NFIC: variants seen among roughly 807,000 people sequenced by gnomAD.
NFIC encodes nuclear factor I C, also known as nuclear factor 1 C-type.
A neutral mutation model predicts 54.4 loss-of-function variants in NFIC; 12 were observed. The observed-to-expected ratio is 0.22, with a 90% CI of 0.14 to 0.36. The LOEUF (loss-of-function observed/expected upper bound fraction) is 0.36, where lower values mean the gene tolerates loss of function less well. Among genes scored for constraint, NFIC ranks in the 10% least tolerant of loss-of-function variants. The pLI is 1.00. For synonymous variants in NFIC, 322 were observed against 319.2 expected, an observed-to-expected ratio of 1.01 and a Z score of -0.09; for missense variants, 575 against 718.2, an observed-to-expected ratio of 0.80 and a Z score of 2.28.
chr19:3,468,974 A>G lies in NFIC; in HGVS notation c.*6205A>G, dbSNP rs1480679315. The G allele has an allele frequency of 8.7e-6, 1 of 115,402 alleles. No individual in the cohort carries two copies. Among genetic ancestry groups the G allele is most frequent in the Non-Finnish European group, 1.7e-5 (1 of 57,892 alleles). The allele number at this position is 115,402 out of a possible 1,614,324, so 7.1% of individuals were successfully genotyped here. On this transcript the variant is annotated 3_prime_UTR_variant, in exon 11 of 11. Transcript: ENST00000443272. ...CCCCCCACCCCACCCCGCCCCTCAC[A>G]TCATACTCCAATCATAACCTTGTAT...
At chr19:3,450,356 A>AAAAAG (rs68113510) in intron 7 of NFIC, among the ~76,000 whole-genome samples, 2 of 146,432 alleles carry the variant, frequency 1.4e-5, no homozygotes, top group Non-Finnish European at 1.5e-5. Context: ...AAAAAAAAAA[A>AAAAAG]AGAGACATCT....
chr19:3,464,498 C>G lies in NFIC; in HGVS notation c.*1729C>G. The G allele has an allele frequency of 1.0e-6, 1 of 982,146 alleles. No individual in the cohort carries two copies. The highest frequency in any genetic ancestry group is 1.2e-6 in the Non-Finnish European group (1 of 828,928). 60.8% of individuals were successfully genotyped at this position (982,146 alleles called of 1,614,324 possible). A position where few individuals can be genotyped will look rare whatever the true frequency, so the allele number is the denominator to read the frequency against. On this transcript the variant is annotated 3_prime_UTR_variant, in exon 11 of 11. Coordinates refer to ENST00000443272, the MANE Select transcript of NFIC (RefSeq NM_001245002.2). ...GGGGTGTTAGGTGTTTTAGGGCCAC[C>G]GAGCTCAAACACAAGGACCCCTCCC...
Position 3,369,146 on chromosome 19 carries a change from GTCTC to G in NFIC, c.30+2484_30+2487del, listed in dbSNP as rs147042128. 0.051 allele frequency among the ~76,000 whole-genome samples: 7,768 copies of G among 151,576 alleles called. 190 individuals are homozygous for G. Among genetic ancestry groups the G allele is most frequent in the South Asian group, 0.098 (469 of 4,776 alleles). ...CTGCATGTCTCTTTGATGTGTCTCT[GTCTC>G]TCTGTCTCTCCCTCCCTTTGCCTTC... On this transcript the variant is annotated intron_variant, in intron 1 of 10. Coordinates refer to ENST00000443272, the MANE Select transcript of NFIC (RefSeq NM_001245002.2). The surrounding 1 kb of genome is among the most constrained non-coding windows in gnomAD (Gnocchi z 4.3).
rs2082682976 is a variant in NFIC, at chr19:3,464,144, A to G, written c.*1375A>G. 1.0e-6 allele frequency: 1 copy of G among 985,274 alleles called. No individual in the cohort carries two copies. The highest frequency in any genetic ancestry group is 1.2e-6 in the Non-Finnish European group (1 of 829,884). The allele number at this position is 985,274 out of a possible 1,614,324, so 61.0% of individuals were successfully genotyped here. A position where few individuals can be genotyped will look rare whatever the true frequency, so the allele number is the denominator to read the frequency against. ...CCCCCTCCCTGGTGCCTCCCAGCGAAGGGGGACCGCCGTTTGCACTTTCAT... is the reference window on the plus strand; with the variant it reads ...CCCCCTCCCTGGTGCCTCCCAGCGAGGGGGGACCGCCGTTTGCACTTTCAT... On this transcript the variant is annotated 3_prime_UTR_variant, in exon 11 of 11. Coordinates refer to ENST00000443272, the MANE Select transcript of NFIC (RefSeq NM_001245002.2).
intron 1 of NFIC, among the ~76,000 whole-genome samples, chr19:3,371,973 C>A (rs2081024338): frequency 9.5e-6 from 1 of 105,348 alleles, no homozygotes; most frequent in African/African-American, 3.6e-5. Flanking sequence ...CTTTCCTTCT[C>A]TTTCTCTCTC....
Position 3,453,153 on chromosome 19 carries a change from C to T in NFIC, c.1269+487C>T, listed in dbSNP as rs895932513. Among the ~76,000 whole-genome samples the T allele has an allele frequency of 5.3e-5, 8 of 152,080 alleles. No individual in the cohort carries two copies. Among genetic ancestry groups the T allele is most frequent in the African/African-American group, 1.2e-4 (5 of 41,390 alleles). On this transcript the variant is annotated intron_variant, in intron 8 of 10. Coordinates refer to ENST00000443272, the MANE Select transcript of NFIC (RefSeq NM_001245002.2). This position sits in a 1 kb window ranked among gnomAD's most constrained non-coding sequence, Gnocchi z 6.7. ...ACTCAGGAGGCTGAGGTGGGAGGAT[C>T]GCTTGAACCTGGGAGGTCGAGGCTG...
At position 3,435,809 on chromosome 19, in the gene NFIC, G is replaced by GTCTT. The variant is rs10567490; in HGVS notation, c.958+628_958+631dup. ...TCTTCAGAAGGGTCCTCTCTGGGGT[G>GTCTT]TCTTTCTTTCTTTCTTTCTTTCTTT... On this transcript the variant is annotated intron_variant, in intron 6 of 10. Transcript: ENST00000443272. 2.9e-3 allele frequency among the ~76,000 whole-genome samples: 433 copies of GTCTT among 147,670 alleles called. 4 individuals carry two copies. Among genetic ancestry groups the GTCTT allele is most frequent in the South Asian group, 6.7e-3 (32 of 4,744 alleles).
intron 2 of NFIC, among the ~76,000 whole-genome samples, chr19:3,405,260 C>T (rs947652256): frequency 6.6e-6 from 1 of 152,228 alleles, no homozygotes; most frequent in African/African-American, 2.4e-5. Context: ...ACCCCGTCCA[C>T]GCCTCTGCCT....
chr19:3,372,439 G>A (rs1261802529), intron 1 of NFIC, among the ~76,000 whole-genome samples: 2 of 152,198 alleles, frequency 1.3e-5, no homozygotes, highest in Non-Finnish European at 2.9e-5. Context: ...GGTCCCAGAG[G>A]CAGAAGATGG....
chr19:3,375,440 G>A lies in NFIC; in HGVS notation c.31-6272G>A, dbSNP rs553920076. The stretch of plus-strand genomic sequence containing the variant: ...CTGGTCCCAGCTCTGCTGACCGGCT[G>A]TGTGACCCTGGACAAACCACTCCCC... On this transcript the variant is annotated intron_variant, in intron 1 of 10. Coordinates refer to ENST00000443272, the MANE Select transcript of NFIC (RefSeq NM_001245002.2). The surrounding 1 kb of genome is among the most constrained non-coding windows in gnomAD (Gnocchi z 4.6). 1.3e-5 allele frequency among the ~76,000 whole-genome samples: 2 copies of A among 152,330 alleles called. No homozygotes were observed. Among genetic ancestry groups the A allele is most frequent in the South Asian group, 2.1e-4 (1 of 4,826 alleles).
chr19:3,462,242 T>C (rs6510755), intron 10 of NFIC, among the ~76,000 whole-genome samples: 54,657 of 150,942 alleles, frequency 0.36, 14,560 homozygotes, highest in African/African-American at 0.75. Context: ...ATTATCCAGG[T>C]GTGGCGGTGG....
At chr19:3,444,324 G>T (rs535751964) in intron 6 of NFIC, among the ~76,000 whole-genome samples, 2 of 152,338 alleles carry the variant, frequency 1.3e-5, no homozygotes, top group African/African-American at 4.8e-5. Flanking sequence ...TCGGGCCTGC[G>T]TCCTCCTCAC....
intron 2 of NFIC, among the ~76,000 whole-genome samples, chr19:3,405,524 G>C (rs2081634250): frequency 6.6e-6 from 1 of 152,184 alleles, no homozygotes; most frequent in Admixed American, 6.6e-5. Flanking sequence ...GCATCTTGGG[G>C]AGGAGGAAGT....
chr19:3,434,760 C>A (rs1327924082), intron 5 of NFIC, among the ~76,000 whole-genome samples: 1 of 152,148 alleles, frequency 6.6e-6, no homozygotes, highest in Non-Finnish European at 1.5e-5. Context: ...GGGATCATAC[C>A]CCTAACAGGC....
Position 3,464,055 on chromosome 19 carries a change from GGCTCTGGGGAA to G in NFIC, c.*1289_*1299del. On this transcript the variant is annotated 3_prime_UTR_variant, in exon 11 of 11. Transcript: ENST00000443272. ...CCTGCCCTGCCGGGGCGCGGGGGTG[GGCTCTGGGGAA>G]GCCGGTGCGCCCCCCACGCCTCCGC... 1 of 985,220 alleles carries G rather than the reference GGCTCTGGGGAA, an allele frequency of 1.0e-6. No individual in the cohort carries two copies. The highest frequency in any genetic ancestry group is 1.2e-6 in the Non-Finnish European group (1 of 829,910). The allele number at this position is 985,220 out of a possible 1,614,324, so 61.0% of individuals were successfully genotyped here.
chr19:3,380,413 C>A (rs1186578604), intron 1 of NFIC, among the ~76,000 whole-genome samples: 1 of 143,098 alleles, frequency 7.0e-6, no homozygotes, highest in Admixed American at 7.3e-5. Flanking sequence ...GCAACCTCTG[C>A]CTCCCAGGTT....
chr19:3,450,746 C>T (rs2082449632), intron 7 of NFIC, among the ~76,000 whole-genome samples: 1 of 152,186 alleles, frequency 6.6e-6, no homozygotes, highest in South Asian at 2.1e-4. Context: ...TCAAATATTG[C>T]TTACCACCCC....
rs1006947435 is a variant in NFIC, at chr19:3,463,859, C to G, written c.*1090C>G. 4 of 983,410 alleles carry G rather than the reference C, an allele frequency of 4.1e-6. No individual in the cohort carries two copies. Among genetic ancestry groups the G allele is most frequent in the Non-Finnish European group, 4.8e-6 (4 of 828,860 alleles). The allele number at this position is 983,410 out of a possible 1,614,324, so 60.9% of individuals were successfully genotyped here. ...TAAGTGCCTGATTACCACCACCCGC[C>G]CCCCCCTTTGTCCAGCTGGGACACG... is the stretch of plus-strand genomic sequence containing the variant. On this transcript the variant is annotated 3_prime_UTR_variant, in exon 11 of 11. Transcript: ENST00000443272.
intron 1 of NFIC, among the ~76,000 whole-genome samples, chr19:3,366,973 ACC>A (rs1457677402): frequency 8.1e-6 from 1 of 124,054 alleles, no homozygotes; most frequent in African/African-American, 3.3e-5. Context: ...CCCCCCACAC[ACC>A]GACGCACTCC....
Sources: gnomAD v4.1 joint callset for allele counts (sites outside exome capture counted in the v4.1 genomes callset) on GRCh38, gnomAD v4.1.1 for gene constraint, Gnocchi (gnomAD v3.1) non-coding constraint, MANE v1.5 for transcripts, NCBI Gene and HGNC (gene_info 2026-07-23, HGNC 2026-07-21) for gene names.